CNTLN: variants seen among roughly 807,000 people sequenced by gnomAD.
CNTLN encodes centlein.
CNTLN carries 212 observed loss-of-function variants against 180.0 expected under a neutral mutation model. That is an observed-to-expected ratio of 1.18 (90% CI 1.05 to 1.32). The LOEUF (loss-of-function observed/expected upper bound fraction) is 1.32. Ranked by LOEUF, CNTLN falls within the 40% of genes most tolerant of loss-of-function variation. CNTLN has a pLI of 0.00. For synonymous variants in CNTLN, 722 were observed against 563.1 expected (o/e 1.28, Z -3.99); for missense variants, 2,095 against 1,610.9 (o/e 1.30, Z -5.14).
In CNTLN at chr9:17,185,130, A is replaced by G. The variant is rs570734647; in HGVS notation, c.450-41073A>G. Among the ~76,000 whole-genome samples, 50 of 152,360 alleles carry G rather than the reference A, an allele frequency of 3.3e-4. 1 individual carries two copies. Among genetic ancestry groups the G allele is most frequent in the African/African-American group, 1.2e-3 (49 of 41,592 alleles). ...GAAAATAGAATTCTTTTGGAATTCT[A>G]GAAATGAAATTTTCTGTTGAAACCT... On this transcript the variant is annotated intron_variant, in intron 2 of 25. Coordinates refer to ENST00000380647, the MANE Select transcript of CNTLN (RefSeq NM_017738.4).
rs1828004558 is a variant in CNTLN at position 17,413,481 on chromosome 9, A to G, written c.2797-2307A>G. On this transcript the variant is annotated intron_variant, in intron 16 of 25. Coordinates refer to ENST00000380647, the MANE Select transcript of CNTLN (RefSeq NM_017738.4). ...TATATAGAAGAGGAAAAGACAAGCCACAGAGTGAGAGGAATATTTAAAAAC... is the reference window on the plus strand; with the variant it reads ...TATATAGAAGAGGAAAAGACAAGCCGCAGAGTGAGAGGAATATTTAAAAAC... Among the ~76,000 whole-genome samples the G allele has an allele frequency of 2.0e-5, 3 of 152,152 alleles. No individual in the cohort carries two copies. The South Asian group carries it at 6.2e-4, about 32-fold the overall frequency.
chr9:17,404,996 C>A (rs1159518928), intron 15 of CNTLN, among the ~76,000 whole-genome samples: 1 of 151,604 alleles, frequency 6.6e-6, no homozygotes, highest in African/African-American at 2.4e-5. Flanking sequence ...CCTCGGCCTC[C>A]CAAAGTGCTG....
chr9:17,189,576 C>T (rs997522233), intron 2 of CNTLN, among the ~76,000 whole-genome samples: 5 of 151,778 alleles, frequency 3.3e-5, no homozygotes, highest in Admixed American at 3.3e-4. Context: ...CTCCGCCTCC[C>T]AGGTTCAAGC....
the CNTLN span, among the ~76,000 whole-genome samples, chr9:17,516,951 C>T: frequency 2.6e-5 from 4 of 152,148 alleles, no homozygotes; most frequent in East Asian, 1.9e-4. Flanking sequence ...CTTTCTATCT[C>T]GAGCACAATC....
chr9:17,178,173 A>C (rs927624628), intron 2 of CNTLN, among the ~76,000 whole-genome samples: 1 of 152,078 alleles, frequency 6.6e-6, no homozygotes, highest in Middle Eastern at 3.2e-3. Context: ...CAGATTAACT[A>C]GATACGGAGT....
At chr9:17,431,395 GTTAT>G (rs964187945) in intron 18 of CNTLN, among the ~76,000 whole-genome samples, 1 of 151,798 alleles carries the variant, frequency 6.6e-6, no homozygotes. Flanking sequence ...TTTTAATTGT[GTTAT>G]TTGTTTTTGC....
intron 5 of CNTLN, among the ~76,000 whole-genome samples, chr9:17,247,133 G>A (rs1034030423): frequency 1.1e-4 from 16 of 152,108 alleles, no homozygotes; most frequent in African/African-American, 3.6e-4. Context: ...TGCTGCCCTG[G>A]GTGGTATTTT....
chr9:17,302,999 G>A (rs1420839937), intron 7 of CNTLN, among the ~76,000 whole-genome samples: 1 of 152,150 alleles, frequency 6.6e-6, no homozygotes, highest in African/African-American at 2.4e-5. Flanking sequence ...TTAGCTTATT[G>A]TGTATCAGGC....
chr9:17,321,745 G>C (rs751867034), intron 8 of CNTLN, among the ~76,000 whole-genome samples: 1 of 152,116 alleles, frequency 6.6e-6, no homozygotes, highest in Non-Finnish European at 1.5e-5. Context: ...GGTAACTTTT[G>C]TCATACTTTA....
chr9:17,249,345 G>GTT (rs558059269), intron 5 of CNTLN, among the ~76,000 whole-genome samples: 21,321 of 121,654 alleles, frequency 0.18, 2,243 homozygotes, highest in South Asian at 0.29. Context: ...TTCTTTGATT[G>GTT]TTTTTTTTGT....
chr9:17,453,863 C>T (rs540020523), intron 18 of CNTLN, among the ~76,000 whole-genome samples: 1 of 152,322 alleles, frequency 6.6e-6, no homozygotes, highest in East Asian at 1.9e-4. Context: ...TCTCCCTGAT[C>T]TCAGAGAATG....
chr9:17,316,974 T>A (rs953021725), intron 8 of CNTLN, among the ~76,000 whole-genome samples: 2 of 152,162 alleles, frequency 1.3e-5, no homozygotes, highest in Non-Finnish European at 2.9e-5. Context: ...ATATATTGTA[T>A]GCCCATCAGT....
chr9:17,517,598 T>A, the CNTLN span, among the ~76,000 whole-genome samples: 2 of 150,732 alleles, frequency 1.3e-5, no homozygotes, highest in African/African-American at 4.9e-5. Context: ...CAGACGGAGG[T>A]ATAGTTTGGA....
In CNTLN at chr9:17,298,943, T is replaced by TA. The variant is rs1205345519; in HGVS notation, c.1146+599dup. On this transcript the variant is annotated intron_variant, in intron 7 of 25. Transcript: ENST00000380647. ...AGCAGCAATAATTTAATCTACTAATTAAAAAAAATACCTTTATTGGCCGGG... is the reference window on the plus strand; with the variant it reads ...AGCAGCAATAATTTAATCTACTAATTAAAAAAAAATACCTTTATTGGCCGGG... 9.1e-6 allele frequency: 9 copies of TA among 984,550 alleles called. No homozygotes were observed. In the East Asian group the frequency reaches 3.4e-4, roughly 37 times the overall value. The allele number at this position is 984,550 out of a possible 1,614,324, so 61.0% of individuals were successfully genotyped here. A position where few individuals can be genotyped will look rare whatever the true frequency, so the allele number is the denominator to read the frequency against.
intron 18 of CNTLN, among the ~76,000 whole-genome samples, chr9:17,429,051 A>T (rs10963096): frequency 0.056 from 8,443 of 152,090 alleles, 373 homozygotes; most frequent in Non-Finnish European, 0.085. Flanking sequence ...ATCATCAGAT[A>T]TTACATATTT....
At chr9:17,331,251 A>G (rs1193309741) in intron 9 of CNTLN, among the ~76,000 whole-genome samples, 1 of 151,834 alleles carries the variant, frequency 6.6e-6, no homozygotes, top group African/African-American at 2.4e-5. Context: ...AAAATAGTAA[A>G]TGAATTTTAA....
Position 17,416,192 on chromosome 9 carries a change from A to G in CNTLN, c.3114+3A>G. 6.2e-7 allele frequency: 1 copy of G among 1,606,658 alleles called. No individual in the cohort carries two copies. Among genetic ancestry groups the G allele is most frequent in the East Asian group, 2.2e-5 (1 of 44,742 alleles). On this transcript the variant is annotated splice_donor_region_variant and intron_variant, in intron 18 of 25. Coordinates refer to ENST00000380647, the MANE Select transcript of CNTLN (RefSeq NM_017738.4). Reference sequence around the variant, plus strand: ...AGACAAGCAGGCAGACAATAAAGGTAAAGAGAACTTTAAGATTGAACAGTA... The same window carrying G: ...AGACAAGCAGGCAGACAATAAAGGTGAAGAGAACTTTAAGATTGAACAGTA...
intron 6 of CNTLN, among the ~76,000 whole-genome samples, chr9:17,275,740 A>G (rs1828268606): frequency 1.3e-5 from 2 of 152,142 alleles, no homozygotes; most frequent in African/African-American, 4.8e-5. Flanking sequence ...GTAAGTTATT[A>G]TAAATAAAGC....
chr9:17,473,266 C>A (rs1832129583), intron 23 of CNTLN, among the ~76,000 whole-genome samples: 1 of 152,182 alleles, frequency 6.6e-6, no homozygotes. Flanking sequence ...TCTTCTCAAA[C>A]CTCCAGCATC....
Sources: allele counts gnomAD v4.1 joint callset (sites outside exome capture counted in the v4.1 genomes callset), GRCh38; gene constraint gnomAD v4.1.1; transcripts MANE v1.5; gene names NCBI Gene and HGNC (gene_info 2026-07-23, HGNC 2026-07-21).